GPALPP1: variants seen among roughly 807,000 people sequenced by gnomAD.
The protein encoded by GPALPP1 is GPALPP motifs containing 1.
GPALPP1 carries 30 observed loss-of-function variants against 38.9 expected under a neutral mutation model. The observed-to-expected ratio is 0.77, with a 90% CI of 0.58 to 1.05. The LOEUF is 1.05. Among genes scored for constraint, GPALPP1 ranks in the 50% least tolerant of loss-of-function variants. The pLI is 0.00. For synonymous variants in GPALPP1, 120 were observed against 139.2 expected, an observed-to-expected ratio of 0.86 and a Z score of 0.97; for missense variants, 384 against 408.8, an observed-to-expected ratio of 0.94 and a Z score of 0.52.
downstream of GPALPP1, chr13:45,031,984 A>C (rs569084998): frequency 6.6e-6 from 1 of 152,374 alleles, no homozygotes; most frequent in African/African-American, 2.4e-5. Context: ...AGATACTTTT[A>C]ATGTTCTTAC....
At chr13:44,995,169 AACACACACACACACACAC>A (rs371911111) in intron 1 of GPALPP1, among the ~76,000 whole-genome samples, 1 of 128,534 alleles carries the variant, frequency 7.8e-6, no homozygotes, top group African/African-American at 3.1e-5. Context: ...CCTATCTTTA[AACACACACACACACACAC>A]ACACACACAC....
intron 7 of GPALPP1, among the ~76,000 whole-genome samples, chr13:45,025,906 G>T (rs754396115): frequency 6.6e-6 from 1 of 152,030 alleles, no homozygotes; most frequent in Non-Finnish European, 1.5e-5. Flanking sequence ...AAGTAGCTAG[G>T]TTTACAGGCA....
chr13:45,034,739 T>TA (rs1566088550), downstream of GPALPP1: 1 of 146,612 alleles, frequency 6.8e-6, no homozygotes, highest in Non-Finnish European at 1.5e-5. Context: ...TTTTTTTTTT[T>TA]TTATTTTTTT....
At chr13:44,994,876 G>A (rs1593381208) in intron 1 of GPALPP1, among the ~76,000 whole-genome samples, 4 of 150,832 alleles carry the variant, frequency 2.7e-5, no homozygotes, top group South Asian at 4.2e-4. Context: ...TTTTTGAGAC[G>A]GAGTTTCGCT....
Position 45,004,403 on chromosome 13 carries a change from GA to G in GPALPP1, c.189del (p.Glu63AspfsTer48). On this transcript the variant is annotated frameshift_variant, in exon 2 of 8. Coordinates refer to ENST00000379151, the MANE Select transcript of GPALPP1 (RefSeq NM_018559.5). LOFTEE classifies it high-confidence loss of function. ...SSSLYEEGNQ[E>X]SEEDDSGPTA... ...TTCTTTGTACGAAGAAGGAAATCAA[GA>G]ATCTGAAGAAGATGACAGTGGTCCA... is the stretch of plus-strand genomic sequence containing the variant. The G allele has an allele frequency of 1.2e-6, 2 of 1,610,012 alleles. No individual in the cohort carries two copies. Among genetic ancestry groups the G allele is most frequent in the Non-Finnish European group, 1.7e-6 (2 of 1,176,400 alleles).
intron 6 of GPALPP1, among the ~76,000 whole-genome samples, chr13:45,018,647 G>A (rs1462499661): frequency 1.3e-5 from 2 of 151,700 alleles, no homozygotes; most frequent in African/African-American, 2.4e-5. Context: ...ATTAAATACA[G>A]TGTTGTTTTA....
chr13:44,995,946 C>T (rs1873237078), intron 1 of GPALPP1, among the ~76,000 whole-genome samples: 1 of 152,064 alleles, frequency 6.6e-6, no homozygotes, highest in Non-Finnish European at 1.5e-5. Flanking sequence ...CTGGTTTGCC[C>T]CACTAAACCA....
intron 6 of GPALPP1, among the ~76,000 whole-genome samples, chr13:45,019,879 A>ATTTT (rs34893767): frequency 2.8e-3 from 243 of 85,558 alleles, no homozygotes; most frequent in African/African-American, 4.7e-3. Flanking sequence ...TAATATTTTG[A>ATTTT]TTTTTTTTTT....
chr13:45,025,883 T>C lies in GPALPP1; in HGVS notation c.805-1902T>C, dbSNP rs539915394. On this transcript the variant is annotated intron_variant, in intron 7 of 7. Coordinates refer to ENST00000379151, the MANE Select transcript of GPALPP1 (RefSeq NM_018559.5). ...ACCTCCTGGGTTCAGGCGATTCTCC[T>C]GCCTCAGCCTCCAAGTAGCTAGGTT... Among the ~76,000 whole-genome samples the C allele has an allele frequency of 3.9e-5, 6 of 152,268 alleles. No homozygotes were observed. The South Asian group carries it at 1.2e-3, about 32-fold the overall frequency.
At position 45,015,439 on chromosome 13, in the gene GPALPP1, C is replaced by G; in HGVS notation, c.548C>G (p.Ser183Cys). ...EKLTKGDDDSSKPIVRESWMT... is the reference protein window; with the variant it reads ...EKLTKGDDDSCKPIVRESWMT... ...TTTTTTTTTCTCTTAAAGGATTCAT[C>G]TAAACCCATTGTAAGAGAGTCATGG... The change falls in exon 6 of 8, where the codon TCT becomes TGT. Residue 183 changes from serine to cysteine, a missense_variant. Physicochemically the swap from Ser to Cys is moderately radical, Grantham distance 112. Transcript: ENST00000379151. 6.3e-7 allele frequency: 1 copy of G among 1,579,730 alleles called. No homozygotes were observed. The highest frequency in any genetic ancestry group is 2.3e-5 in the East Asian group (1 of 44,228).
intron 1 of GPALPP1, 49 bp downstream of exon 1, chr13:44,989,791 T>C: frequency 7.1e-7 from 1 of 1,403,794 alleles, no homozygotes; most frequent in Non-Finnish European, 1.0e-6. Flanking sequence ...ACCCACTCCC[T>C]GGCCGGGCCC....
rs777809449 is a variant in GPALPP1 at position 45,015,032 on chromosome 13, G to A, written c.489G>A (p.Glu163=). 5.2e-5 allele frequency: 83 copies of A among 1,608,356 alleles called. No individual in the cohort carries two copies. Among genetic ancestry groups the A allele is most frequent in the Non-Finnish European group, 6.8e-5 (80 of 1,176,080 alleles). The change falls in exon 5 of 8, where the codon GAG becomes GAA. Residue 163 remains glutamate, a synonymous_variant. Transcript: ENST00000379151. ...CAGTTAACTATAATGTAACGACAGA[G>A]TTTGAAAAAAGGGCCCAGAGAATGA... ...KGPVNYNVTT[E]FEKRAQRMKE...
At chr13:45,034,709 C>A (rs1566088485), downstream of GPALPP1, 1 of 147,972 alleles carries the variant, frequency 6.8e-6, no homozygotes, top group Non-Finnish European at 1.5e-5. Context: ...ATGGAGAATA[C>A]TTTTTTATTT....
At chr13:44,993,915 A>G (rs201808014) in intron 1 of GPALPP1, among the ~76,000 whole-genome samples, 3 of 151,114 alleles carry the variant, frequency 2.0e-5, no homozygotes, top group East Asian at 3.9e-4. Flanking sequence ...GCACCTTTTC[A>G]TATGCTTATT....
At chr13:45,018,180 A>G (rs903386895) in intron 6 of GPALPP1, among the ~76,000 whole-genome samples, 1 of 151,988 alleles carries the variant, frequency 6.6e-6, no homozygotes, top group Non-Finnish European at 1.5e-5. Context: ...GGCGGATCAC[A>G]AGGTCAGGAG....
chr13:44,998,248 CTCCCT>C (rs1203678174), intron 1 of GPALPP1, among the ~76,000 whole-genome samples: 1 of 152,168 alleles, frequency 6.6e-6, no homozygotes, highest in African/African-American at 2.4e-5. Context: ...TTTACTCTGA[CTCCCT>C]TCCCTGTCCT....
chr13:44,998,230 C>T (rs567508928), intron 1 of GPALPP1, among the ~76,000 whole-genome samples: 1 of 152,272 alleles, frequency 6.6e-6, no homozygotes, highest in East Asian at 1.9e-4. Context: ...AAAGCTAATC[C>T]TTCCATTTTT....
chr13:45,024,284 GTGTGTGTGTGTGTGTGTGTGTGTGTT>G lies in GPALPP1; in HGVS notation c.805-3499_805-3474del, dbSNP rs1465052173. On this transcript the variant is annotated intron_variant, in intron 7 of 7. Coordinates refer to ENST00000379151, the MANE Select transcript of GPALPP1 (RefSeq NM_018559.5). The stretch of plus-strand genomic sequence containing the variant: ...ACTCTGTGTGTGTGTGTGTGTGTGT[GTGTGTGTGTGTGTGTGTGTGTGTGTT>G]TTGAGACTGAGTCTCGCTCTGCTCC... Among the ~76,000 whole-genome samples the G allele has an allele frequency of 9.5e-4, 140 of 147,902 alleles. 4 individuals are homozygous for G. Among genetic ancestry groups the G allele is most frequent in the Non-Finnish European group, 1.5e-3 (99 of 67,186 alleles).
chr13:45,027,664 G>A (rs181843195), intron 7 of GPALPP1, 121 bp from the exon 8 acceptor site: 107 of 527,748 alleles, frequency 2.0e-4, no homozygotes, highest in African/African-American at 1.9e-3. Context: ...AAAACTACTG[G>A]GGTTTGTAAA....
Sources: gnomAD v4.1 joint callset for allele counts (sites outside exome capture counted in the v4.1 genomes callset) on GRCh38, gnomAD v4.1.1 for gene constraint, MANE v1.5 for transcripts, NCBI Gene and HGNC (gene_info 2026-07-23, HGNC 2026-07-21) for gene names.